The following PDE4D variants were observed in gnomAD, a reference collection of about 807,000 sequenced individuals.
The protein encoded by PDE4D is phosphodiesterase 4D.
In PDE4D, 24 loss-of-function variants were observed where a neutral mutation model predicts 87.4. The ratio of observed to expected loss-of-function variants is 0.27; its 90% CI spans 0.20 to 0.39. PDE4D has a LOEUF of 0.39. Among genes scored for constraint, PDE4D ranks in the 10% least tolerant of loss-of-function variants. The pLI is 1.00. For missense variants in PDE4D, 714 were observed against 1,041.0 expected (o/e 0.69, Z 4.32); for synonymous variants, 384 against 383.2 (o/e 1.00, Z -0.02).
intron 1 of PDE4D, among the ~76,000 whole-genome samples, chr5:59,249,788 G>A (rs1759558608): frequency 6.6e-6 from 1 of 152,080 alleles, no homozygotes; most frequent in Non-Finnish European, 1.5e-5. Context: ...TTGGGAGTGT[G>A]TTGAGGTTAT....
chr5:59,137,525 C>CTTTTT (rs61134818), intron 5 of PDE4D, among the ~76,000 whole-genome samples: 11 of 139,592 alleles, frequency 7.9e-5, no homozygotes, highest in Non-Finnish European at 1.4e-4. Flanking sequence ...GGGAAAGTTT[C>CTTTTT]TTTTTTTTTT....
At chr5:59,495,692 C>T (rs1317021795) in intron 1 of PDE4D, among the ~76,000 whole-genome samples, 2 of 152,198 alleles carry the variant, frequency 1.3e-5, no homozygotes, top group African/African-American at 4.8e-5. Flanking sequence ...CTAGGGGCAG[C>T]TTTGAGACCT....
In PDE4D at chr5:60,206,105, C is replaced by T. The variant is rs528914048; in HGVS notation, c.-89-20418G>A. 3.9e-5 allele frequency among the ~76,000 whole-genome samples: 6 copies of T among 152,254 alleles called. No individual in the cohort carries two copies. The South Asian group carries it at 1.2e-3, about 32-fold the overall frequency. ...CATCCTGACCCTCTCAGCTTCTTTTCTTGCCACCAAAACACATTCACTGGC... is the reference window on the plus strand; with the variant it reads ...CATCCTGACCCTCTCAGCTTCTTTTTTTGCCACCAAAACACATTCACTGGC... On this transcript the variant is annotated intron_variant, in intron 1 of 16. Coordinates refer to the PDE4D transcript ENST00000502484.
intron 2 of PDE4D, among the ~76,000 whole-genome samples, chr5:60,091,257 C>A (rs532615582): frequency 1.3e-5 from 2 of 152,088 alleles, no homozygotes; most frequent in South Asian, 2.1e-4. Context: ...ATTCATTTGA[C>A]AAGGGACTAA....
chr5:60,089,586 A>G (rs1774889842), intron 2 of PDE4D, among the ~76,000 whole-genome samples: 1 of 152,058 alleles, frequency 6.6e-6, no homozygotes, highest in South Asian at 2.1e-4. Flanking sequence ...CCTACATCAA[A>G]AAGTAGAAAG....
chr5:60,150,664 G>A (rs1781428294), intron 2 of PDE4D, among the ~76,000 whole-genome samples: 1 of 152,090 alleles, frequency 6.6e-6, no homozygotes, highest in Non-Finnish European at 1.5e-5. Flanking sequence ...TATTGATCTT[G>A]ACAAGTACAG....
chr5:60,172,263 A>AGT (rs1304705626), intron 2 of PDE4D, among the ~76,000 whole-genome samples: 7 of 89,192 alleles, frequency 7.8e-5, no homozygotes, highest in Non-Finnish European at 1.7e-4. Context: ...CAAGTACTTC[A>AGT]ATACACACAC....
chr5:59,312,091 A>T (rs1221091848), intron 1 of PDE4D, among the ~76,000 whole-genome samples: 1 of 152,092 alleles, frequency 6.6e-6, no homozygotes, highest in Non-Finnish European at 1.5e-5. Context: ...CGGGCTCCTT[A>T]GTTCTCCTCT....
At chr5:60,198,822 A>G (rs73759024) in intron 1 of PDE4D, among the ~76,000 whole-genome samples, 3,243 of 151,710 alleles carry the variant, frequency 0.021, 154 homozygotes, top group African/African-American at 0.075. Context: ...TTCTCATCTT[A>G]GAGTAAGCAA....
intron 1 of PDE4D, among the ~76,000 whole-genome samples, chr5:59,647,342 T>A (rs1261421890): frequency 6.6e-6 from 1 of 152,132 alleles, no homozygotes; most frequent in Non-Finnish European, 1.5e-5. Flanking sequence ...ATTTTAAAAC[T>A]GTAAATTTAG....
At chr5:60,105,066 G>A (rs1050151665) in intron 2 of PDE4D, among the ~76,000 whole-genome samples, 3 of 152,164 alleles carry the variant, frequency 2.0e-5, no homozygotes, top group African/African-American at 7.2e-5. Context: ...ACTACTCCGA[G>A]CTTCAGGAGA....
chr5:59,599,672 C>T (rs867365566), intron 1 of PDE4D, among the ~76,000 whole-genome samples: 1 of 151,954 alleles, frequency 6.6e-6, no homozygotes, highest in African/African-American at 2.4e-5. Flanking sequence ...AAATTGTAAC[C>T]CAAAACTCTA....
Position 60,343,568 on chromosome 5 carries a change from T to C in PDE4D, c.-90+144374A>G, listed in dbSNP as rs547582478. ...GGTAGGAATTGTTGCCTGTCACACA[T>C]CCATTCTTCACCTTTCTCCTTCTCT... On this transcript the variant is annotated intron_variant, in intron 1 of 16. Transcript: ENST00000502484. 4.7e-4 allele frequency among the ~76,000 whole-genome samples: 72 copies of C among 152,298 alleles called. 1 individual carries two copies. Among genetic ancestry groups the C allele is most frequent in the Middle Eastern group, 3.4e-3 (1 of 294 alleles).
At chr5:59,445,992 C>G (rs1798286127) in intron 1 of PDE4D, among the ~76,000 whole-genome samples, 1 of 152,046 alleles carries the variant, frequency 6.6e-6, no homozygotes, top group Non-Finnish European at 1.5e-5. Context: ...GATAGAGTCC[C>G]CAGTAACTAA....
chr5:60,212,943 G>A (rs1333171454), intron 1 of PDE4D, among the ~76,000 whole-genome samples: 1 of 152,092 alleles, frequency 6.6e-6, no homozygotes, highest in African/African-American at 2.4e-5. Context: ...ATTTTCCTGC[G>A]TTCTTCCCTT....
intron 1 of PDE4D, among the ~76,000 whole-genome samples, chr5:59,278,963 G>A (rs141588778): frequency 3.3e-5 from 5 of 152,010 alleles, no homozygotes; most frequent in African/African-American, 7.2e-5. Context: ...ATTTATCCAT[G>A]GATTAAACAT....
chr5:60,501,157 C>A lies in PDE4D; in HGVS notation n.70+20894G>T, dbSNP rs191295406. 8.3e-4 allele frequency among the ~76,000 whole-genome samples: 126 copies of A among 152,264 alleles called. 2 individuals carry two copies. In the East Asian group the frequency reaches 0.019, roughly 23 times the overall value. ...TAATACTATCCCTCCCCGCTTCCCC[C>A]ACCCCACAACAGTCCCCAGAGTGTG... On this transcript the variant is annotated intron_variant and non_coding_transcript_variant, in intron 1 of 2. Coordinates refer to the PDE4D transcript ENST00000506510.
intron 1 of PDE4D, among the ~76,000 whole-genome samples, chr5:59,502,767 G>T (rs926271159): frequency 2.4e-4 from 35 of 148,798 alleles, no homozygotes; most frequent in Non-Finnish European, 1.6e-4. Context: ...TGCAAGAATT[G>T]TTTTTCTTGA....
At chr5:59,426,656 G>A (rs77212278) in intron 1 of PDE4D, among the ~76,000 whole-genome samples, 8,245 of 152,090 alleles carry the variant, frequency 0.054, 651 homozygotes, top group African/African-American at 0.17. Context: ...GGAAGAAGGC[G>A]GCTGGGTGAG....
Sources: allele counts gnomAD v4.1 joint callset (sites outside exome capture counted in the v4.1 genomes callset), GRCh38; gene constraint gnomAD v4.1.1; transcripts MANE v1.5; gene names NCBI Gene and HGNC (gene_info 2026-07-23, HGNC 2026-07-21).